Variants in NTM observed in about 807,000 individuals in gnomAD.
NTM encodes the protein IgLON family member 2.
Under a neutral mutation model 42.1 loss-of-function variants are expected in NTM, and 13 were observed. That is an observed-to-expected ratio of 0.31 (90% confidence interval 0.20 to 0.49). NTM has a LOEUF of 0.49. Among genes scored for constraint, NTM ranks in the 20% least tolerant of loss-of-function variants. The pLI is 0.99. For synonymous variants in NTM, 187 were observed against 179.2 expected (o/e 1.04, Z -0.35); for missense variants, 373 against 452.8 (o/e 0.82, Z 1.60).
At chr11:131,625,921 T>C (rs1021531129) in intron 1 of NTM, among the ~76,000 whole-genome samples, 1 of 152,230 alleles carries the variant, frequency 6.6e-6, no homozygotes, top group African/African-American at 2.4e-5. Flanking sequence ...CTGTGTAGTG[T>C]TCCATTGTGT....
intron 1 of NTM, among the ~76,000 whole-genome samples, chr11:131,401,877 G>A (rs1216153743): frequency 4.1e-5 from 4 of 97,044 alleles, no homozygotes; most frequent in Admixed American, 1.2e-4. Context: ...TTTAAACTAG[G>A]ACCTTCACCA....
At chr11:132,211,943 G>C in intron 3 of NTM, 79 bp from the exon 4 acceptor site, 1 of 1,459,642 alleles carries the variant, frequency 6.9e-7, no homozygotes, top group Non-Finnish European at 9.3e-7. Flanking sequence ...TCTCTGGACT[G>C]TTCTGCCAAC....
chr11:132,271,147 G>A (rs1591651276), intron 4 of NTM, among the ~76,000 whole-genome samples: 1 of 152,066 alleles, frequency 6.6e-6, no homozygotes, highest in Non-Finnish European at 1.5e-5. Context: ...TTGCCTGTTC[G>A]GTTTATATCT....
intron 4 of NTM, among the ~76,000 whole-genome samples, chr11:132,287,984 A>G (rs2094314045): frequency 6.6e-6 from 1 of 152,268 alleles, no homozygotes; most frequent in Admixed American, 6.5e-5. Context: ...TATGATATAC[A>G]TTGTCCCTAG....
chr11:132,024,821 G>T (rs565886329), intron 2 of NTM, among the ~76,000 whole-genome samples: 1 of 152,142 alleles, frequency 6.6e-6, no homozygotes, highest in Admixed American at 6.5e-5. Context: ...TTACTCATTT[G>T]TCTGTCAGAT....
chr11:132,229,558 T>G (rs539942870), intron 4 of NTM, among the ~76,000 whole-genome samples: 1 of 152,360 alleles, frequency 6.6e-6, no homozygotes, highest in Admixed American at 6.5e-5. Context: ...AACAACTGTC[T>G]GCAGTTAGTA....
At chr11:131,997,757 C>T (rs1446961789) in intron 2 of NTM, among the ~76,000 whole-genome samples, 1 of 152,286 alleles carries the variant, frequency 6.6e-6, no homozygotes, top group African/African-American at 2.4e-5. Flanking sequence ...GATTCCCTGG[C>T]AGCTTCATTT....
intron 1 of NTM, among the ~76,000 whole-genome samples, chr11:131,866,030 TACATACAC>T (rs1244572175): frequency 1.5e-5 from 2 of 137,172 alleles, no homozygotes; most frequent in African/African-American, 5.6e-5. Flanking sequence ...TCACACATGC[TACATACAC>T]ACATGCTACA....
At chr11:131,628,974 G>A (rs933649941) in intron 1 of NTM, among the ~76,000 whole-genome samples, 1 of 152,208 alleles carries the variant, frequency 6.6e-6, no homozygotes, top group African/African-American at 2.4e-5. Context: ...TGCTCATTTT[G>A]GGGCATCTGT....
chr11:131,990,834 C>T (rs1012831074), intron 2 of NTM, among the ~76,000 whole-genome samples: 1 of 152,118 alleles, frequency 6.6e-6, no homozygotes, highest in Non-Finnish European at 1.5e-5. Context: ...AGGGACTGAG[C>T]TCTATAAACT....
intron 3 of NTM, among the ~76,000 whole-genome samples, chr11:132,182,178 C>A (rs2077679703): frequency 6.6e-6 from 1 of 151,994 alleles, no homozygotes; most frequent in Non-Finnish European, 1.5e-5. Context: ...TTCTTTTTAA[C>A]ACACCTGTTT....
At chr11:131,909,049 C>A (rs560726089) in intron 1 of NTM, among the ~76,000 whole-genome samples, 1 of 152,092 alleles carries the variant, frequency 6.6e-6, no homozygotes, top group African/African-American at 2.4e-5. Context: ...GAAAAGTCAC[C>A]GGAGGAGAGG....
At chr11:132,141,892 C>T (rs148179256) in intron 2 of NTM, among the ~76,000 whole-genome samples, 81 of 152,320 alleles carry the variant, frequency 5.3e-4, no homozygotes, top group African/African-American at 1.9e-3. Context: ...AGGAGGGATG[C>T]TGATGGGAAA....
chr11:132,169,999 C>T (rs966632435), intron 3 of NTM, among the ~76,000 whole-genome samples: 2 of 152,162 alleles, frequency 1.3e-5, no homozygotes, highest in East Asian at 1.9e-4. Context: ...GAATTTGATT[C>T]GCTCTTCACT....
chr11:132,314,858 GGAGAGAGAGGGACA>G (rs2095383422), intron 7 of NTM, 155 bp downstream of exon 7: 3 of 1,384,840 alleles, frequency 2.2e-6, no homozygotes, highest in Admixed American at 3.2e-5. Context: ...AGAAAGAAAT[GGAGAGAGAGGGACA>G]GAGAGACAGG....
chr11:132,105,037 G>A (rs1198572321), intron 2 of NTM, among the ~76,000 whole-genome samples: 1 of 136,084 alleles, frequency 7.3e-6, no homozygotes, highest in African/African-American at 2.8e-5. Context: ...AGTCAAACAA[G>A]GAAGCCCATC....
rs948919319 is a variant in NTM at position 131,605,883 on chromosome 11, C to A, written c.82+234995C>A. 5 of 983,126 alleles carry A rather than the reference C, an allele frequency of 5.1e-6. No homozygotes were observed. In the Admixed American group the frequency reaches 2.5e-4, roughly 48 times the overall value. 60.9% of individuals were successfully genotyped at this position (983,126 alleles called of 1,614,324 possible). A position where few individuals can be genotyped will look rare whatever the true frequency, so the allele number is the denominator to read the frequency against. On this transcript the variant is annotated intron_variant, in intron 1 of 8. Coordinates refer to ENST00000683400, the MANE Select transcript of NTM (RefSeq NM_001352005.2). ...CTCACCTGAGGCAGCTTCACCACCC[C>A]ACTCTATTAATCATTGTTTCAATTC...
At chr11:131,735,648 G>A (rs1234940385) in intron 1 of NTM, among the ~76,000 whole-genome samples, 1 of 152,152 alleles carries the variant, frequency 6.6e-6, no homozygotes, top group Non-Finnish European at 1.5e-5. Context: ...TTTGATAGAT[G>A]CTAAACCGCC....
At chr11:131,478,769 G>A (rs768341571) in intron 1 of NTM, among the ~76,000 whole-genome samples, 1 of 152,200 alleles carries the variant, frequency 6.6e-6, no homozygotes, top group Non-Finnish European at 1.5e-5. Context: ...GTTACATTTC[G>A]AAGATGTCTA....
Sources: gnomAD v4.1 joint callset for allele counts (sites outside exome capture counted in the v4.1 genomes callset) on GRCh38, gnomAD v4.1.1 for gene constraint, MANE v1.5 for transcripts, NCBI Gene and HGNC (gene_info 2026-07-23, HGNC 2026-07-21) for gene names.